The following SCNN1A variants were observed in gnomAD, a reference collection of about 807,000 sequenced individuals.
SCNN1A encodes the protein sodium channel epithelial 1 subunit alpha, also known as epithelial sodium channel subunit alpha.
Under a neutral mutation model 68.6 loss-of-function variants are expected in SCNN1A, and 65 were observed. The ratio of observed to expected loss-of-function variants is 0.95; its 90% CI spans 0.78 to 1.16. SCNN1A has a LOEUF of 1.16. Ranked by LOEUF, SCNN1A falls within the 50% of genes most tolerant of loss-of-function variation. The probability of loss-of-function intolerance (pLI) is 0.00; values close to 1 mark genes in which losing one functional copy is unlikely to be tolerated. For synonymous variants in SCNN1A, 357 were observed against 353.3 expected (o/e 1.01, Z -0.12); for missense variants, 880 against 865.9 (o/e 1.02, Z -0.20).
chr12:6,375,144 G>GC, intron 1 of SCNN1A: 1 of 1,469,042 alleles, frequency 6.8e-7, no homozygotes, highest in Non-Finnish European at 9.0e-7. Flanking sequence ...TTCTGTCTCT[G>GC]CCCCCTTCCT....
At chr12:6,364,535 C>A (rs1948642284) in intron 2 of SCNN1A, among the ~76,000 whole-genome samples, 1 of 151,916 alleles carries the variant, frequency 6.6e-6, no homozygotes, top group African/African-American at 2.4e-5. Flanking sequence ...GTGGGCAGAT[C>A]ACGGGGTCAG....
At chr12:6,376,289 A>G, upstream of SCNN1A, 1 of 610,716 alleles carries the variant, frequency 1.6e-6, no homozygotes, top group Non-Finnish European at 2.1e-6. Context: ...GGAGGGGCCC[A>G]GGTGAAGCTG....
chr12:6,369,466 G>C (rs1489912455), intron 2 of SCNN1A, among the ~76,000 whole-genome samples: 1 of 152,110 alleles, frequency 6.6e-6, no homozygotes, highest in African/African-American at 2.4e-5. Flanking sequence ...AAGGCCTCCA[G>C]AGGAGGCTGG....
chr12:6,363,605 G>A lies in SCNN1A; in HGVS notation c.522C>T (p.Ser174=). The part of the protein sequence containing the change: ...YSSFTTLVAG[S]RSRRDLRGTL... ...TCCCCCGCAGGTCGCGACGGCTGCG[G>A]GAGCCGGCCACGAGAGTGGTGAAGG... The change falls in exon 3 of 13, where the codon TCC becomes TCT. Residue 174 remains serine (S), a synonymous_variant. Coordinates refer to ENST00000228916, the MANE Select transcript of SCNN1A (RefSeq NM_001038.6). The A allele has an allele frequency of 6.2e-7, 1 of 1,612,824 alleles. No homozygotes were observed.
chr12:6,370,887 ACCGTT>A (rs1300266852), intron 2 of SCNN1A, among the ~76,000 whole-genome samples: 1 of 152,086 alleles, frequency 6.6e-6, no homozygotes, highest in Non-Finnish European at 1.5e-5. Context: ...TCCAGCCTAA[ACCGTT>A]CCTGGGACTG....
In SCNN1A at chr12:6,374,758, T is replaced by C. The variant is rs142937915; in HGVS notation, c.26A>G (p.Gln9Arg). 7 of 1,613,982 alleles carry C rather than the reference T, an allele frequency of 4.3e-6. No homozygotes were observed. The highest frequency in any genetic ancestry group is 5.9e-6 in the Non-Finnish European group (7 of 1,179,968). ...AGTGGACTGTGGAGGGCTAGAGTCC[T>C]GCTCCTCCAGCTTGTTCCCCTCCAT... is the stretch of plus-strand genomic sequence containing the variant. The part of the protein sequence containing the change: MEGNKLEE[Q>R]DSSPPQSTPG... Residue 9 changes from glutamine to arginine, a missense_variant, in exon 2 of 13, where the codon CAG becomes CGG. Transcript: ENST00000228916. This position sits in a 1 kb window ranked among gnomAD's most constrained non-coding sequence, Gnocchi z 6.2.
chr12:6,348,810 G>A lies in SCNN1A; in HGVS notation c.1554-8C>T, dbSNP rs777128526. On this transcript the variant is annotated splice_polypyrimidine_tract_variant and splice_region_variant and intron_variant, in intron 11 of 12. Coordinates refer to ENST00000228916, the MANE Select transcript of SCNN1A (RefSeq NM_001038.6). ...ACTTTGGCCACTCCATTTCTTAGGTGTGGGGCAGAGGGTGGGAAGAAATGG... is the reference window on the plus strand; with the variant it reads ...ACTTTGGCCACTCCATTTCTTAGGTATGGGGCAGAGGGTGGGAAGAAATGG... 2 of 1,613,554 alleles carry A rather than the reference G, an allele frequency of 1.2e-6. No individual in the cohort carries two copies. Among genetic ancestry groups the A allele is most frequent in the Admixed American group, 3.3e-5 (2 of 59,996 alleles).
At chr12:6,369,289 C>A (rs1273132422) in intron 2 of SCNN1A, among the ~76,000 whole-genome samples, 2 of 148,428 alleles carry the variant, frequency 1.3e-5, no homozygotes, top group Non-Finnish European at 3.0e-5. Context: ...CTCCTGCCAC[C>A]CTACTCACCT....
chr12:6,375,405 G>A, intron 1 of SCNN1A, 100 bp downstream of exon 1: 1 of 1,511,236 alleles, frequency 6.6e-7, no homozygotes, highest in Non-Finnish European at 8.8e-7. Flanking sequence ...GGCTCCAGGA[G>A]GTCTGGGCTG....
At position 6,351,513 on chromosome 12, in the gene SCNN1A, G is replaced by C. The variant is rs1489197961; in HGVS notation, c.1361-2108C>G. On this transcript the variant is annotated intron_variant, in intron 8 of 12. Coordinates refer to ENST00000228916, the MANE Select transcript of SCNN1A (RefSeq NM_001038.6). This position sits in a 1 kb window ranked among gnomAD's most constrained non-coding sequence, Gnocchi z 4.2. ...CAGCATGCGCCTGTATGTAGTCCCA[G>C]GTACTCGGGAAGCTGAGACAGGAGA... Among the ~76,000 whole-genome samples, 1 of 151,976 alleles carries C rather than the reference G, an allele frequency of 6.6e-6. No homozygotes were observed. Among genetic ancestry groups the C allele is most frequent in the Non-Finnish European group, 1.5e-5 (1 of 67,996 alleles).
Position 6,363,678 on chromosome 12 carries a change from A to C in SCNN1A, c.449T>G (p.Leu150Arg). The change falls in exon 3 of 13, where the codon CTG becomes CGG. Residue 150 changes from leucine to arginine, a missense_variant. Leu to Arg is a moderately radical substitution (Grantham distance 102). Transcript: ENST00000228916. The stretch of plus-strand genomic sequence containing the variant: ...GAGCGTCTGCTCTGTGATGCGGTCC[A>C]GCTCCTCCAGCTCCTCTTTAATTTC... ...YPEIKEELEE[L>R]DRITEQTLFD... 6.2e-7 allele frequency: 1 copy of C among 1,603,486 alleles called. No homozygotes were observed.
rs775099770 is a variant in SCNN1A, at chr12:6,374,930, C to G, written c.-54-93G>C. ...GTGCCCTCTCCCATCACCCCTGGAA[C>G]CCGAGTGAGGCTGCCCCTGGCCATG... On this transcript the variant is annotated intron_variant, in intron 1 of 12. Transcript: ENST00000228916. This position sits in a 1 kb window ranked among gnomAD's most constrained non-coding sequence, Gnocchi z 6.2. The G allele has an allele frequency of 6.3e-7, 1 of 1,597,528 alleles. No individual in the cohort carries two copies. Among genetic ancestry groups the G allele is most frequent in the Non-Finnish European group, 8.5e-7 (1 of 1,171,666 alleles).
In SCNN1A at chr12:6,348,999, C is replaced by A. The variant is rs760463562; in HGVS notation, c.1504G>T (p.Val502Phe). 7.4e-6 allele frequency: 12 copies of A among 1,614,072 alleles called. No individual in the cohort carries two copies. Among genetic ancestry groups the A allele is most frequent in the South Asian group, 5.5e-5 (5 of 91,068 alleles). ...TTCTGTCGCGATAGCATCTGGAAGACCCATTCCTAGGAAAGAATGGGGGTG... is the reference window on the plus strand; with the variant it reads ...TTCTGTCGCGATAGCATCTGGAAGAACCATTCCTAGGAAAGAATGGGGGTG... ...RWPSVTSQEWVFQMLSRQNNY... is the reference protein window; with the variant it reads ...RWPSVTSQEWFFQMLSRQNNY... Residue 502 changes from valine to phenylalanine, a missense_variant, in exon 11 of 13, where the codon GTC (valine) becomes TTC (phenylalanine). By Grantham distance (50) the Val-to-Phe change is conservative (BLOSUM62 -1). Coordinates refer to ENST00000228916, the MANE Select transcript of SCNN1A (RefSeq NM_001038.6).
chr12:6,350,882 A>G (rs1948376801), intron 8 of SCNN1A, among the ~76,000 whole-genome samples: 2 of 152,086 alleles, frequency 1.3e-5, no homozygotes, highest in South Asian at 4.1e-4. Flanking sequence ...AAAAATTTAA[A>G]AAGACAATAA....
chr12:6,354,798 G>A lies in SCNN1A; in HGVS notation c.1194C>T (p.Gly398=). ...GGDYGDCTKN[G]SDVPVENLYP... ...AAAGGTTCTCAACAGGAACATCACT[G>A]CCATTCTTGGTGCAGTCGCCATAAT... The change falls in exon 7 of 13, where the codon GGC becomes GGT. Residue 398 remains glycine, a synonymous_variant. Transcript: ENST00000228916. The A allele has an allele frequency of 6.2e-7, 1 of 1,613,994 alleles. No individual in the cohort carries two copies. Among genetic ancestry groups the A allele is most frequent in the South Asian group, 1.1e-5 (1 of 91,062 alleles).
chr12:6,361,187 G>A (rs774739077), intron 4 of SCNN1A, among the ~76,000 whole-genome samples: 3 of 152,202 alleles, frequency 2.0e-5, no homozygotes, highest in Non-Finnish European at 2.9e-5. Flanking sequence ...TTTGTTGAAC[G>A]AACACTGAAT....
rs969962990 is a variant in SCNN1A, at chr12:6,363,406, A to AGGGGC, written c.684+32_684+36dup. The AGGGGC allele has an allele frequency of 1.4e-5, 20 of 1,478,720 alleles. No individual in the cohort carries two copies. In the Admixed American group the frequency reaches 3.6e-4, roughly 27 times the overall value. The allele number at this position is 1,478,720 out of a possible 1,614,324, so 91.6% of individuals were successfully genotyped here. Reference sequence around the variant, plus strand: ...GGGTGGGCGGGGCCAGGGGCCGGCGAGGGGCGGGGCGGGCCCCTCGGCGCT... The same window carrying AGGGGC: ...GGGTGGGCGGGGCCAGGGGCCGGCGAGGGGCGGGGCGGGGCGGGCCCCTCGGCGCT... On this transcript the variant is annotated intron_variant, in intron 3 of 12. Transcript: ENST00000228916.
In SCNN1A at chr12:6,363,474, TC is replaced by T; in HGVS notation, c.652del (p.Asp218ThrfsTer31). ...SSLRDNNPQV[D>X]WKDWKIGFQL... ...GAAGCCGATCTTCCAGTCCTTCCAG[TC>T]CACCTGGGGGTTGTTGTCCCGCAAG... On this transcript the variant is annotated frameshift_variant, in exon 3 of 13. Coordinates refer to ENST00000228916, the MANE Select transcript of SCNN1A (RefSeq NM_001038.6). LOFTEE classifies it high-confidence loss of function. 1 of 1,602,872 alleles carries T rather than the reference TC, an allele frequency of 6.2e-7. No homozygotes were observed. Among genetic ancestry groups the T allele is most frequent in the South Asian group, 1.1e-5 (1 of 89,628 alleles).
chr12:6,357,644 G>C (rs1183114793), intron 4 of SCNN1A, among the ~76,000 whole-genome samples: 1 of 152,134 alleles, frequency 6.6e-6, no homozygotes, highest in African/African-American at 2.4e-5. Flanking sequence ...AACACATAGA[G>C]ATACACACTA....
Sources: allele counts gnomAD v4.1 joint callset (sites outside exome capture counted in the v4.1 genomes callset), GRCh38; gene constraint gnomAD v4.1.1; non-coding constraint Gnocchi (gnomAD v3.1); transcripts MANE v1.5; gene names NCBI Gene and HGNC (gene_info 2026-07-23, HGNC 2026-07-21).